BAZ1A: variants seen among roughly 807,000 people sequenced by gnomAD.
BAZ1A encodes the protein bromodomain adjacent to zinc finger domain protein 1A.
A neutral mutation model predicts 185.2 loss-of-function variants in BAZ1A; 50 were observed. That is an observed-to-expected ratio of 0.27 (90% confidence interval 0.22 to 0.34). The LOEUF is 0.34. Ranked by LOEUF, BAZ1A falls within the 10% of genes least tolerant of loss-of-function variation. BAZ1A has a pLI of 1.00. For synonymous variants in BAZ1A, 571 were observed against 615.6 expected (o/e 0.93, Z 1.07); for missense variants, 1,356 against 1,839.9 (o/e 0.74, Z 4.81).
chr14:34,848,951 T>C (rs1241262437), intron 3 of BAZ1A, among the ~76,000 whole-genome samples: 2 of 152,144 alleles, frequency 1.3e-5, no homozygotes, highest in Non-Finnish European at 1.5e-5. Flanking sequence ...AAAGGCAATA[T>C]TACAAGTAAG....
Position 34,862,321 on chromosome 14 carries a change from C to T in BAZ1A, c.115G>A (p.Asp39Asn), listed in dbSNP as rs1263504844. The change falls in exon 3 of 27, where the codon GAC becomes AAC. Residue 39 changes from aspartate (D) to asparagine (N), a missense_variant and splice_region_variant. Coordinates refer to ENST00000360310, the MANE Select transcript of BAZ1A (RefSeq NM_013448.3). Reference sequence around the variant, plus strand: ...CACAGAATGGTTCGTTCAAAAAAGTCACTGATTAAAAAACAAAAACAAAAA... The same window carrying T: ...CACAGAATGGTTCGTTCAAAAAAGTTACTGATTAAAAAACAAAAACAAAAA... ...VTNEIFRHYD[D>N]FFERTILCNS... The T allele has an allele frequency of 1.3e-6, 2 of 1,585,592 alleles. No homozygotes were observed. Among genetic ancestry groups the T allele is most frequent in the Admixed American group, 3.7e-5 (2 of 53,518 alleles).
intron 12 of BAZ1A, chr14:34,786,451 A>G (rs2138617065): frequency 4.7e-6 from 2 of 429,170 alleles, no homozygotes; most frequent in East Asian, 8.3e-5. Context: ...AGAAAAGACA[A>G]TTTCCAAATT....
At chr14:34,875,018 G>A (rs1484461757) in intron 1 of BAZ1A, 120 bp downstream of exon 1, 4 of 163,556 alleles carry the variant, frequency 2.4e-5, no homozygotes, top group Middle Eastern at 3.0e-3. Context: ...CAGCTGGCCG[G>A]CCGGCCAGCC....
intron 12 of BAZ1A, among the ~76,000 whole-genome samples, chr14:34,789,738 T>C (rs1880718376): frequency 1.3e-5 from 2 of 152,168 alleles, no homozygotes; most frequent in African/African-American, 2.4e-5. Context: ...AGGTTTGATA[T>C]AAAAACAGGG....
intron 5 of BAZ1A, among the ~76,000 whole-genome samples, chr14:34,810,222 G>A (rs904345108): frequency 6.6e-6 from 1 of 152,142 alleles, no homozygotes; most frequent in African/African-American, 2.4e-5. Context: ...ATAGCTGGCT[G>A]ATATCATCTT....
At chr14:34,793,948 AAAAAAAAG>A (rs1184269856) in intron 11 of BAZ1A, among the ~76,000 whole-genome samples, 53 of 151,794 alleles carry the variant, frequency 3.5e-4, no homozygotes, top group South Asian at 1.7e-3. Flanking sequence ...TCTCAAAAAG[AAAAAAAAG>A]AAAAAAAGAA....
At chr14:34,846,430 G>T (rs1327778629) in intron 3 of BAZ1A, among the ~76,000 whole-genome samples, 1 of 152,150 alleles carries the variant, frequency 6.6e-6, no homozygotes, top group Non-Finnish European at 1.5e-5. Context: ...GCTCCTGATA[G>T]CCACTACAAT....
At chr14:34,756,614 C>T (rs112973730) in intron 25 of BAZ1A, among the ~76,000 whole-genome samples, 13,339 of 151,510 alleles carry the variant, frequency 0.088, 863 homozygotes, top group Admixed American at 0.2. Flanking sequence ...TACAGGCATG[C>T]ACCACCATGC....
At chr14:34,774,621 G>A (rs560452175) in intron 18 of BAZ1A, 131 bp from the exon 19 acceptor site, 13 of 678,306 alleles carry the variant, frequency 1.9e-5, no homozygotes, top group Middle Eastern at 4.2e-4. Context: ...ACAAATGAAT[G>A]AATGAATGAA....
rs1319628778 is a variant in BAZ1A, at chr14:34,799,804, G to A, written c.1128+420C>T. Among the ~76,000 whole-genome samples the A allele has an allele frequency of 2.6e-5, 4 of 152,122 alleles. No homozygotes were observed. In the East Asian group the frequency reaches 7.7e-4, roughly 29 times the overall value. ...GTTTTGTATTTTTAGTAGAGATGGG[G>A]TTTCACCGTCCTGGCCAGGCTGGTC... is the stretch of plus-strand genomic sequence containing the variant. On this transcript the variant is annotated intron_variant, in intron 9 of 26. Transcript: ENST00000360310.
At chr14:34,782,789 A>G (rs1880126633) in intron 16 of BAZ1A, among the ~76,000 whole-genome samples, 1 of 152,200 alleles carries the variant, frequency 6.6e-6, no homozygotes. Context: ...CTAAAATGCA[A>G]TAAAATACTT....
At chr14:34,794,497 T>C (rs539793844) in intron 11 of BAZ1A, among the ~76,000 whole-genome samples, 1 of 152,294 alleles carries the variant, frequency 6.6e-6, no homozygotes, top group South Asian at 2.1e-4. Flanking sequence ...GGGCTAGCAG[T>C]TTCTGCTTCC....
At chr14:34,809,294 G>A (rs2041894911) in intron 5 of BAZ1A, among the ~76,000 whole-genome samples, 1 of 152,128 alleles carries the variant, frequency 6.6e-6, no homozygotes, top group African/African-American at 2.4e-5. Context: ...GTAAAGAGAA[G>A]GTAATTACTT....
chr14:34,771,724 T>C, intron 20 of BAZ1A, 65 bp from the exon 21 acceptor site: 2 of 1,470,344 alleles, frequency 1.4e-6, no homozygotes, highest in Non-Finnish European at 1.9e-6. Context: ...CTTGAGTCCA[T>C]TCATTGGTTC....
intron 16 of BAZ1A, 120 bp downstream of exon 16, chr14:34,782,999 T>C (rs1880146552): frequency 2.6e-6 from 2 of 756,878 alleles, no homozygotes; most frequent in Admixed American, 2.6e-5. Context: ...GAAATTATCA[T>C]GTACCTATAA....
At chr14:34,800,120 G>C in intron 9 of BAZ1A, 104 bp downstream of exon 9, 1 of 1,105,858 alleles carries the variant, frequency 9.0e-7, no homozygotes, top group Non-Finnish European at 1.2e-6. Context: ...ATTCATAAAT[G>C]TGAATGAAAG....
intron 3 of BAZ1A, among the ~76,000 whole-genome samples, chr14:34,851,256 C>A (rs2042591890): frequency 6.7e-6 from 1 of 148,740 alleles, no homozygotes; most frequent in African/African-American, 2.5e-5. Context: ...TCGCTTAAAC[C>A]CAGGATATGG....
rs543990723 is a variant in BAZ1A, at chr14:34,848,912, A to G, written c.392+13132T>C. Among the ~76,000 whole-genome samples the G allele has an allele frequency of 3.9e-5, 6 of 152,342 alleles. No individual in the cohort carries two copies. In the South Asian group the frequency reaches 1.0e-3, roughly 26 times the overall value. On this transcript the variant is annotated intron_variant, in intron 3 of 26. Transcript: ENST00000360310. ...TCAAAGAGAGAACTCACACCAGGCT[A>G]GCAAAAGAAGCTTTATCCGTCCTCA...
intron 2 of BAZ1A, among the ~76,000 whole-genome samples, chr14:34,870,320 G>C (rs1020314541): frequency 6.6e-6 from 1 of 152,064 alleles, no homozygotes; most frequent in East Asian, 1.9e-4. Flanking sequence ...AGGACAATAC[G>C]GCAGGCTTAT....
Sources: gnomAD v4.1 joint callset for allele counts (sites outside exome capture counted in the v4.1 genomes callset) on GRCh38, gnomAD v4.1.1 for gene constraint, MANE v1.5 for transcripts, NCBI Gene and HGNC (gene_info 2026-07-23, HGNC 2026-07-21) for gene names.